CLCN4: variants seen among roughly 807,000 people sequenced by gnomAD.
CLCN4 encodes the protein Cl-/H+ antiporter 4.
A neutral mutation model predicts 41.7 loss-of-function variants in CLCN4; 1 was observed. That is an observed-to-expected ratio of 0.02 (90% CI 0.01 to 0.11). The LOEUF is 0.11. Among genes scored for constraint, CLCN4 ranks in the 10% least tolerant of loss-of-function variants. The probability of loss-of-function intolerance (pLI) is 1.00; values close to 1 mark genes in which losing one functional copy is unlikely to be tolerated. For synonymous variants in CLCN4, 277 were observed against 285.8 expected, an observed-to-expected ratio of 0.97 and a Z score of 0.31; for missense variants, 287 against 661.0, an observed-to-expected ratio of 0.43 and a Z score of 6.20.
At chrX:10,194,644 G>C (rs1354670311) in intron 4 of CLCN4, among the ~76,000 whole-genome samples, 1 of 112,128 alleles carries the variant, frequency 8.9e-6, no homozygotes, top group African/African-American at 3.2e-5. Flanking sequence ...TGCAAAAGTT[G>C]CTTGTCTCTC....
intron 12 of CLCN4, among the ~76,000 whole-genome samples, chrX:10,226,503 A>G (rs769471914): frequency 8.9e-6 from 1 of 111,865 alleles, no homozygotes; most frequent in African/African-American, 3.2e-5. Flanking sequence ...CCAAGAGCAG[A>G]CAAACCCCAA....
rs1923008441 is a variant in CLCN4 at position 10,158,422 on chromosome X, G to A, written c.-141G>A. 1 of 296,780 alleles carries A rather than the reference G, an allele frequency of 3.4e-6. No homozygotes were observed. The allele number at this position is 296,780 out of a possible 1,213,427, so 24.5% of individuals were successfully genotyped here. On this transcript the variant is annotated 5_prime_UTR_variant, in exon 2 of 13. Transcript: ENST00000380833. Reference sequence around the variant, plus strand: ...CGCGCACACCTCCCTGCCTCGCCCCGAGGGCGTCACGTGGCAGCGTGGGGC... The same window carrying A: ...CGCGCACACCTCCCTGCCTCGCCCCAAGGGCGTCACGTGGCAGCGTGGGGC...
intron 8 of CLCN4, among the ~76,000 whole-genome samples, chrX:10,207,587 A>C (rs1924430316): frequency 8.9e-6 from 1 of 112,448 alleles, no homozygotes; most frequent in African/African-American, 3.2e-5. Flanking sequence ...CTTCTTTTGA[A>C]TATTTCAAAT....
chrX:10,210,278 T>G (rs1347190449), intron 9 of CLCN4, among the ~76,000 whole-genome samples: 1 of 111,859 alleles, frequency 8.9e-6, no homozygotes. Flanking sequence ...TTGGCTATTA[T>G]GAATAATGCT....
Position 10,197,206 on chromosome X carries a change from C to T in CLCN4, c.433-733C>T, listed in dbSNP as rs1924117431. 3.6e-5 allele frequency among the ~76,000 whole-genome samples: 4 copies of T among 112,430 alleles called. No individual in the cohort carries two copies. The South Asian group carries it at 1.5e-3, about 41-fold the overall frequency. On this transcript the variant is annotated intron_variant, in intron 5 of 12. Coordinates refer to ENST00000380833, the MANE Select transcript of CLCN4 (RefSeq NM_001830.4). ...AGACTGTGTTTTTGGTTCAGAAAAC[C>T]TTCTCCATACATCAGATAATTTGGA...
intron 4 of CLCN4, among the ~76,000 whole-genome samples, chrX:10,192,230 T>C (rs188190638): frequency 4.7e-5 from 5 of 105,475 alleles, no homozygotes; most frequent in Admixed American, 4.0e-4. Context: ...CCACCACTTA[T>C]AGACTAGTGG....
intron 11 of CLCN4, among the ~76,000 whole-genome samples, chrX:10,214,386 A>G (rs1924652316): frequency 8.8e-6 from 1 of 113,020 alleles, no homozygotes; most frequent in Non-Finnish European, 1.9e-5. Flanking sequence ...TTGCAAAGTG[A>G]CTGCATGTTT....
At position 10,208,185 on chromosome X, in the gene CLCN4, C is replaced by T. The variant is rs140518267; in HGVS notation, c.984C>T (p.Tyr328=). Residue 328 remains tyrosine (Y), a synonymous_variant, in exon 9 of 13, where the codon TAC becomes TAT. Transcript: ENST00000380833. The stretch of plus-strand genomic sequence containing the variant: ...ATGTGGAATACCACACGCCCTGGTA[C>T]ATGGCTGAACTCTTCCCCTTCATCC... ...LFYVEYHTPW[Y]MAELFPFILL... The T allele has an allele frequency of 2.7e-5, 33 of 1,209,474 alleles. No homozygotes were observed. The highest frequency in any genetic ancestry group is 1.4e-4 in the South Asian group (8 of 56,745).
chrX:10,157,922 A>T (rs1922992182), intron 1 of CLCN4, among the ~76,000 whole-genome samples: 1 of 112,548 alleles, frequency 8.9e-6, no homozygotes, highest in African/African-American at 3.2e-5. Context: ...GCAAATACAA[A>T]TTAATATTGG....
intron 2 of CLCN4, among the ~76,000 whole-genome samples, chrX:10,166,926 C>T (rs1306539595): frequency 2.7e-5 from 3 of 111,606 alleles, no homozygotes; most frequent in Admixed American, 9.5e-5. Flanking sequence ...TGGGTTTCAA[C>T]GTGGAACGAA....
chrX:10,227,657 G>C (rs1925021846), intron 12 of CLCN4, among the ~76,000 whole-genome samples: 2 of 111,323 alleles, frequency 1.8e-5, no homozygotes, highest in Admixed American at 1.9e-4. Flanking sequence ...CCCCTTAGCT[G>C]TTACCTCCTA....
At chrX:10,227,149 TA>T (rs1422997531) in intron 12 of CLCN4, among the ~76,000 whole-genome samples, 1 of 108,516 alleles carries the variant, frequency 9.2e-6, no homozygotes. Flanking sequence ...AAATCCTCAA[TA>T]AAAAAAAATA....
rs61453535 is a variant in CLCN4, at chrX:10,204,613, C to CTTTTTTTTTTTT, written c.556-1720_556-1709dup. ...CTATTCTCACCAGAAAGCTAGTAGTCTTTTTTTTTTTTTTTTTTTTTTTTT... is the reference window on the plus strand; with the variant it reads ...CTATTCTCACCAGAAAGCTAGTAGTCTTTTTTTTTTTTTTTTTTTTTTTTTTTTTTTTTTTTT... On this transcript the variant is annotated intron_variant, in intron 6 of 12. Coordinates refer to ENST00000380833, the MANE Select transcript of CLCN4 (RefSeq NM_001830.4). 1.9e-3 allele frequency among the ~76,000 whole-genome samples: 52 copies of CTTTTTTTTTTTT among 27,347 alleles called. 17 individuals carry two copies. The highest frequency in any genetic ancestry group is 9.6e-3 in the East Asian group (3 of 314). 23.7% of individuals were successfully genotyped at this position (27,347 alleles called of 115,157 possible).
rs771231493 is a variant in CLCN4, at chrX:10,236,971, T to C, written c.*3387T>C. On this transcript the variant is annotated 3_prime_UTR_variant, in exon 13 of 13. Transcript: ENST00000380833. Reference sequence around the variant, plus strand: ...TCGTTTTTAGTGCATCCCCTGCGATTGCATGATGCTCATGTGGCTTTTAGG... The same window carrying C: ...TCGTTTTTAGTGCATCCCCTGCGATCGCATGATGCTCATGTGGCTTTTAGG... The C allele has an allele frequency of 8.9e-6, 1 of 112,241 alleles. No homozygotes were observed. The highest frequency in any genetic ancestry group is 2.8e-4 in the East Asian group (1 of 3,562). 9.2% of individuals were successfully genotyped at this position (112,241 alleles called of 1,213,427 possible).
At chrX:10,232,703 A>G (rs937896914) in intron 12 of CLCN4, among the ~76,000 whole-genome samples, 3 of 111,105 alleles carry the variant, frequency 2.7e-5, no homozygotes, top group African/African-American at 9.8e-5. Flanking sequence ...GGTTGTGCAA[A>G]TGTGCACTGT....
intron 11 of CLCN4, among the ~76,000 whole-genome samples, chrX:10,220,044 G>T (rs6640624): frequency 0.027 from 3,049 of 111,200 alleles, 119 homozygotes; most frequent in African/African-American, 0.095. Flanking sequence ...CCACAAAATG[G>T]CCCATTTTTA....
intron 5 of CLCN4, among the ~76,000 whole-genome samples, chrX:10,197,536 A>G (rs1214226925): frequency 9.0e-6 from 1 of 110,885 alleles, no homozygotes; most frequent in African/African-American, 3.3e-5. Context: ...CGTGGCCTTA[A>G]TGAAAGCTAA....
chrX:10,237,624 A>T lies in CLCN4; in HGVS notation c.*4040A>T, dbSNP rs978743672. Reference sequence around the variant, plus strand: ...TAAATGTCTGAACTCTATTTTTAAAAATAAAACAAGCACAGAGTCTGCAAC... The same window carrying T: ...TAAATGTCTGAACTCTATTTTTAAATATAAAACAAGCACAGAGTCTGCAAC... On this transcript the variant is annotated 3_prime_UTR_variant, in exon 13 of 13. Transcript: ENST00000380833. 1.9e-4 allele frequency: 21 copies of T among 112,135 alleles called. No individual in the cohort carries two copies. Among genetic ancestry groups the T allele is most frequent in the Non-Finnish European group, 3.4e-4 (18 of 53,262 alleles). 9.2% of individuals were successfully genotyped at this position (112,135 alleles called of 1,213,427 possible). A position where few individuals can be genotyped will look rare whatever the true frequency, so the allele number is the denominator to read the frequency against.
At chrX:10,193,922 G>A (rs763085045) in intron 4 of CLCN4, among the ~76,000 whole-genome samples, 1 of 107,128 alleles carries the variant, frequency 9.3e-6, no homozygotes, top group Non-Finnish European at 1.9e-5. Context: ...GAAGGAAAGA[G>A]ATTGGATGGT....
Sources: allele counts gnomAD v4.1 joint callset (sites outside exome capture counted in the v4.1 genomes callset), GRCh38; gene constraint gnomAD v4.1.1; transcripts MANE v1.5; gene names NCBI Gene and HGNC (gene_info 2026-07-23, HGNC 2026-07-21).